Variants in RTRAF observed in about 807,000 individuals in gnomAD.
RTRAF encodes the protein RNA transcription, translation and transport factor.
RTRAF carries 14 observed loss-of-function variants against 34.4 expected under a neutral mutation model. The ratio of observed to expected loss-of-function variants is 0.41; its 90% confidence interval spans 0.27 to 0.64. The LOEUF (loss-of-function observed/expected upper bound fraction) is 0.64, where lower values mean the gene tolerates loss of function less well. Among genes scored for constraint, RTRAF ranks in the 30% least tolerant of loss-of-function variants. The pLI is 0.34. For missense variants in RTRAF, 291 were observed against 288.4 expected (o/e 1.01, Z -0.06); for synonymous variants, 96 against 95.3 (o/e 1.01, Z -0.04).
rs907822575 is a variant in RTRAF at position 52,005,257 on chromosome 14, G to A, written c.*741G>A. The A allele has an allele frequency of 2.6e-5, 10 of 388,448 alleles. No homozygotes were observed. Among genetic ancestry groups the A allele is most frequent in the African/African-American group, 2.1e-4 (10 of 48,260 alleles). 24.1% of individuals were successfully genotyped at this position (388,448 alleles called of 1,614,324 possible). ...TTTAATAAGCAACAGTTAAAATTCT[G>A]TTACCTTTTTAAACTTGCAATAACA... On this transcript the variant is annotated 3_prime_UTR_variant, in exon 8 of 8. Coordinates refer to ENST00000261700, the MANE Select transcript of RTRAF (RefSeq NM_016039.3).
intron 3 of RTRAF, among the ~76,000 whole-genome samples, chr14:51,996,298 T>G (rs1186645637): frequency 6.6e-6 from 1 of 152,136 alleles, no homozygotes; most frequent in African/African-American, 2.4e-5. Flanking sequence ...GACTTGAAAA[T>G]TGGTCAAATA....
At chr14:52,002,601 T>C (rs915163881) in intron 6 of RTRAF, among the ~76,000 whole-genome samples, 4 of 152,222 alleles carry the variant, frequency 2.6e-5, no homozygotes, top group African/African-American at 7.2e-5. Flanking sequence ...GGAACATTTT[T>C]AGATTATATC....
At position 52,005,465 on chromosome 14, in the gene RTRAF, TCTTC is replaced by T. The variant is rs1470737649; in HGVS notation, c.*953_*956del. On this transcript the variant is annotated 3_prime_UTR_variant, in exon 8 of 8. Coordinates refer to ENST00000261700, the MANE Select transcript of RTRAF (RefSeq NM_016039.3). ...CCAGGTTCTGATTGTAAACTCCAAG[TCTTC>T]CTTTACATTACTGTACTTACTTTCT... The T allele has an allele frequency of 5.1e-6, 8 of 1,580,946 alleles. No individual in the cohort carries two copies. The highest frequency in any genetic ancestry group is 6.9e-6 in the Non-Finnish European group (8 of 1,167,166).
In RTRAF at chr14:52,008,127, A is replaced by G; in HGVS notation, c.*3611A>G. ...AGTAGTGTCTTGCTTCTTCTAGTGC[A>G]TAGAGTATAGCAGAAGTGATAGGCT... is the stretch of plus-strand genomic sequence containing the variant. On this transcript the variant is annotated 3_prime_UTR_variant, in exon 8 of 8. Transcript: ENST00000261700. 1.9e-5 allele frequency: 11 copies of G among 592,938 alleles called. 1 individual carries two copies. The South Asian group carries it at 2.2e-4, about 12-fold the overall frequency. 36.7% of individuals were successfully genotyped at this position (592,938 alleles called of 1,614,324 possible). A position where few individuals can be genotyped will look rare whatever the true frequency, so the allele number is the denominator to read the frequency against.
Position 52,008,038 on chromosome 14 carries a change from C to G in RTRAF, c.*3522C>G. 3 of 1,214,784 alleles carry G rather than the reference C, an allele frequency of 2.5e-6. No homozygotes were observed. The allele number at this position is 1,214,784 out of a possible 1,614,324, so 75.3% of individuals were successfully genotyped here. A position where few individuals can be genotyped will look rare whatever the true frequency, so the allele number is the denominator to read the frequency against. On this transcript the variant is annotated 3_prime_UTR_variant, in exon 8 of 8. Coordinates refer to ENST00000261700, the MANE Select transcript of RTRAF (RefSeq NM_016039.3). ...GTGGTAGGCAGCATCTAAGCAGCCC[C>G]CAGTGATCTCCATCTCCTCATGTAT...
Position 52,005,394 on chromosome 14 carries a change from T to A in RTRAF, c.*878T>A, listed in dbSNP as rs1890727505. The A allele has an allele frequency of 7.6e-7, 1 of 1,310,684 alleles. No homozygotes were observed. The allele number at this position is 1,310,684 out of a possible 1,614,324, so 81.2% of individuals were successfully genotyped here. On this transcript the variant is annotated 3_prime_UTR_variant, in exon 8 of 8. Coordinates refer to ENST00000261700, the MANE Select transcript of RTRAF (RefSeq NM_016039.3). ...ATGCTCAGGAACGTCTAATGGCCAA[T>A]TCCTTTTTTACTTTCTTTGCCTTTG... is the stretch of plus-strand genomic sequence containing the variant.
In RTRAF at chr14:52,005,479, A is replaced by ACTGTACTTACTTTC; in HGVS notation, c.*964_*977dup. The ACTGTACTTACTTTC allele has an allele frequency of 6.3e-7, 1 of 1,595,118 alleles. No individual in the cohort carries two copies. The highest frequency in any genetic ancestry group is 1.1e-5 in the South Asian group (1 of 87,272). On this transcript the variant is annotated 3_prime_UTR_variant, in exon 8 of 8. Coordinates refer to ENST00000261700, the MANE Select transcript of RTRAF (RefSeq NM_016039.3). ...TAAACTCCAAGTCTTCCTTTACATT[A>ACTGTACTTACTTTC]CTGTACTTACTTTCTTCCTGTGAGA...
intron 2 of RTRAF, among the ~76,000 whole-genome samples, chr14:51,992,659 T>C (rs983247825): frequency 2.0e-5 from 3 of 152,252 alleles, no homozygotes; most frequent in Admixed American, 1.3e-4. Context: ...TATGTTTGTT[T>C]ATATTACATT....
chr14:52,001,444 T>C (rs1481742967), intron 5 of RTRAF, among the ~76,000 whole-genome samples: 1 of 152,178 alleles, frequency 6.6e-6, no homozygotes, highest in Non-Finnish European at 1.5e-5. Context: ...TTCGCAGTTT[T>C]AGTGAGGGTA....
intron 3 of RTRAF, among the ~76,000 whole-genome samples, chr14:51,996,993 T>G (rs1890531146): frequency 6.6e-6 from 1 of 152,030 alleles, no homozygotes; most frequent in Admixed American, 6.6e-5. Flanking sequence ...ATTTGGGGTT[T>G]ATACTTTTGT....
Position 52,004,174 on chromosome 14 carries a change from T to TTGTC in RTRAF, c.532-18_532-15dup, listed in dbSNP as rs777840329. 2 of 1,601,416 alleles carry TTGTC rather than the reference T, an allele frequency of 1.2e-6. No individual in the cohort carries two copies. The highest frequency in any genetic ancestry group is 2.2e-5 in the South Asian group (2 of 89,952). On this transcript the variant is annotated intron_variant, in intron 6 of 7. Coordinates refer to ENST00000261700, the MANE Select transcript of RTRAF (RefSeq NM_016039.3). ...ATTCTTAACCATAAATACTCTCATT[T>TTGTC]TGTCTTTCTTTTTTTAAAGGGCTTA...
In RTRAF at chr14:52,004,200, C is replaced by CCTGT; in HGVS notation, c.539_542dup (p.Ala182CysfsTer11). ...TGTCTTTCTTTTTTTAAAGGGCTTA[C>CCTGT]CTGTTGCTTTAGACAAACATATTCT... is the stretch of plus-strand genomic sequence containing the variant. On this transcript the variant is annotated frameshift_variant, in exon 7 of 8. Transcript: ENST00000261700. LOFTEE classifies it high-confidence loss of function. 1 of 1,612,500 alleles carries CCTGT rather than the reference C, an allele frequency of 6.2e-7. No individual in the cohort carries two copies. The highest frequency in any genetic ancestry group is 8.5e-7 in the Non-Finnish European group (1 of 1,178,842).
rs1207608999 is a variant in RTRAF at position 52,008,616 on chromosome 14, C to T, written c.*4100C>T. 6.6e-6 allele frequency: 1 copy of T among 152,234 alleles called. No homozygotes were observed. Among genetic ancestry groups the T allele is most frequent in the Non-Finnish European group, 1.5e-5 (1 of 68,048 alleles). The allele number at this position is 152,234 out of a possible 1,614,324, so 9.4% of individuals were successfully genotyped here. ...TGTCACTATGTGGGAGAAGTCATTA[C>T]TAAGTTACTATCAGAATCCCTGCCT... On this transcript the variant is annotated 3_prime_UTR_variant, in exon 8 of 8. Transcript: ENST00000261700.
Position 52,005,960 on chromosome 14 carries a change from T to G in RTRAF, c.*1444T>G. 2 of 743,260 alleles carry G rather than the reference T, an allele frequency of 2.7e-6. No individual in the cohort carries two copies. Among genetic ancestry groups the G allele is most frequent in the Non-Finnish European group, 4.7e-6 (2 of 424,096 alleles). The allele number at this position is 743,260 out of a possible 1,614,324, so 46.0% of individuals were successfully genotyped here. On this transcript the variant is annotated 3_prime_UTR_variant, in exon 8 of 8. Coordinates refer to ENST00000261700, the MANE Select transcript of RTRAF (RefSeq NM_016039.3). The stretch of plus-strand genomic sequence containing the variant: ...GAGGAAAATTTCTGGCAGCCTTCTC[T>G]GTCCCAGGGCTGGTGCTAAAGCCAT...
At chr14:51,990,363 CTG>C (rs1385674158) in intron 1 of RTRAF, among the ~76,000 whole-genome samples, 2 of 152,214 alleles carry the variant, frequency 1.3e-5, no homozygotes, top group Non-Finnish European at 2.9e-5. Flanking sequence ...TTGCTACTCA[CTG>C]TAACTAAACT....
chr14:51,989,648 A>G lies in RTRAF; in HGVS notation c.9A>G (p.Arg3=), dbSNP rs775845382. ...AGCGAGAAGCGGGGACCATGTTCCG[A>G]CGCAAGTTGACGGCTCTCGACTACC... is the stretch of plus-strand genomic sequence containing the variant. The part of the protein sequence containing the change: MF[R]RKLTALDYHN... The change falls in exon 1 of 8, where the codon CGA becomes CGG. Residue 3 remains arginine (R), a synonymous_variant. Coordinates refer to ENST00000261700, the MANE Select transcript of RTRAF (RefSeq NM_016039.3). 5.1e-5 allele frequency: 82 copies of G among 1,605,380 alleles called. No homozygotes were observed. Among genetic ancestry groups the G allele is most frequent in the Non-Finnish European group, 5.5e-5 (65 of 1,176,454 alleles).
At chr14:52,000,994 A>T (rs1229617921) in intron 5 of RTRAF, among the ~76,000 whole-genome samples, 1 of 152,244 alleles carries the variant, frequency 6.6e-6, no homozygotes, top group Non-Finnish European at 1.5e-5. Context: ...AGGCATTCAA[A>T]CAATAACATA....
At position 52,007,948 on chromosome 14, in the gene RTRAF, AGTCT is replaced by A; in HGVS notation, c.*3436_*3439del. ...TCAATTTTAGGAGCTTCTCTATTCCAGTCTGTCCAGTACAAGTTGCTGTAAGTTA... is the reference window on the plus strand; with the variant it reads ...TCAATTTTAGGAGCTTCTCTATTCCAGTCCAGTACAAGTTGCTGTAAGTTA... On this transcript the variant is annotated 3_prime_UTR_variant, in exon 8 of 8. Coordinates refer to ENST00000261700, the MANE Select transcript of RTRAF (RefSeq NM_016039.3). The A allele has an allele frequency of 1.2e-6, 2 of 1,612,116 alleles. No individual in the cohort carries two copies. Among genetic ancestry groups the A allele is most frequent in the South Asian group, 1.1e-5 (1 of 90,670 alleles).
rs779425904 is a variant in RTRAF at position 52,004,445 on chromosome 14, G to A, written c.664G>A (p.Ala222Thr). 1 of 1,613,992 alleles carries A rather than the reference G, an allele frequency of 6.2e-7. No homozygotes were observed. Among genetic ancestry groups the A allele is most frequent in the South Asian group, 1.1e-5 (1 of 91,078 alleles). The part of the protein sequence containing the change: ...LRELQTKINE[A>T]IVAVQAIIAD... ...AGAGCTACAGACAAAAATCAACGAAGCCATAGTAGCTGTTCAGGCAATTAT... is the reference window on the plus strand; with the variant it reads ...AGAGCTACAGACAAAAATCAACGAAACCATAGTAGCTGTTCAGGCAATTAT... The change falls in exon 8 of 8, where the codon GCC becomes ACC. Residue 222 changes from alanine to threonine, a missense_variant. Transcript: ENST00000261700.
Sources: gnomAD v4.1 joint callset for allele counts (sites outside exome capture counted in the v4.1 genomes callset) on GRCh38, gnomAD v4.1.1 for gene constraint, MANE v1.5 for transcripts, NCBI Gene and HGNC (gene_info 2026-07-23, HGNC 2026-07-21) for gene names.